The following PTPRZ1 variants were observed in gnomAD, a reference collection of about 807,000 sequenced individuals.
PTPRZ1 encodes protein tyrosine phosphatase receptor type Z1.
Under a neutral mutation model 214.1 loss-of-function variants are expected in PTPRZ1, and 82 were observed. That is an observed-to-expected ratio of 0.38 (90% CI 0.32 to 0.46). PTPRZ1 has a LOEUF of 0.46. Among genes scored for constraint, PTPRZ1 ranks in the 20% least tolerant of loss-of-function variants. The pLI is 1.00. For missense variants in PTPRZ1, 2,603 were observed against 2,748.7 expected (o/e 0.95, Z 1.19); for synonymous variants, 945 against 987.9 (o/e 0.96, Z 0.81).
At chr7:122,057,874 C>G (rs927161921) in intron 27 of PTPRZ1, among the ~76,000 whole-genome samples, 1 of 151,362 alleles carries the variant, frequency 6.6e-6, no homozygotes, top group African/African-American at 2.4e-5. Flanking sequence ...GGTTCGGTTT[C>G]ATTATTTTCC....
chr7:122,051,390 A>G (rs1010998227), intron 23 of PTPRZ1, 38 bp from the exon 24 acceptor site: 14 of 1,507,142 alleles, frequency 9.3e-6, no homozygotes, highest in Admixed American at 1.7e-5. Context: ...GGGGACTTAA[A>G]TGAAATAACC....
chr7:121,873,350 A>G lies in PTPRZ1; in HGVS notation c.-150A>G. The G allele has an allele frequency of 4.4e-6, 3 of 682,006 alleles. No individual in the cohort carries two copies. The highest frequency in any genetic ancestry group is 7.6e-6 in the Non-Finnish European group (3 of 394,098). The allele number at this position is 682,006 out of a possible 1,614,324, so 42.2% of individuals were successfully genotyped here. A position where few individuals can be genotyped will look rare whatever the true frequency, so the allele number is the denominator to read the frequency against. On this transcript the variant is annotated 5_prime_UTR_variant, in exon 1 of 30. Coordinates refer to ENST00000393386, the MANE Select transcript of PTPRZ1 (RefSeq NM_002851.3). The stretch of plus-strand genomic sequence containing the variant: ...CTCTCACACACACACACACACACAC[A>G]AACACACATACGCACGCACGATCTC...
intron 2 of PTPRZ1, among the ~76,000 whole-genome samples, chr7:121,940,814 A>T (rs998812891): frequency 2.0e-5 from 3 of 152,120 alleles, no homozygotes; most frequent in Admixed American, 6.5e-5. Flanking sequence ...ATGAAAAAAA[A>T]AAAAGGGCTC....
At chr7:122,032,125 A>G (rs995461596) in intron 15 of PTPRZ1, 3 of 152,166 alleles carry the variant, frequency 2.0e-5, no homozygotes, top group Admixed American at 6.6e-5. Context: ...GGGCAGAGAA[A>G]TTTACTGCAA....
chr7:121,981,128 G>A (rs1158658298), intron 6 of PTPRZ1, among the ~76,000 whole-genome samples: 2 of 144,446 alleles, frequency 1.4e-5, no homozygotes, highest in African/African-American at 5.0e-5. Context: ...GGGCGGCAGC[G>A]AGACTCCGTC....
At chr7:122,046,494 G>C (rs759634797) in intron 23 of PTPRZ1, among the ~76,000 whole-genome samples, 1 of 152,154 alleles carries the variant, frequency 6.6e-6, no homozygotes, top group Non-Finnish European at 1.5e-5. Flanking sequence ...TGCTGTAGGA[G>C]TACAGGTAAG....
In PTPRZ1 at chr7:122,034,326, C is replaced by T; in HGVS notation, c.5232C>T (p.Ser1744=). ...TTGACTTAGGTATTACAGCAGACAG[C>T]TCCAACCACCCAGACAACAAGCACA... ...CTVDLGITAD[S]SNHPDNKHKN... is the part of the protein sequence containing the mutation. The change falls in exon 17 of 30, where the codon AGC becomes AGT. Residue 1744 remains serine, a synonymous_variant. Transcript: ENST00000393386. The T allele has an allele frequency of 6.2e-7, 1 of 1,613,528 alleles. No homozygotes were observed. Among genetic ancestry groups the T allele is most frequent in the Non-Finnish European group, 8.5e-7 (1 of 1,179,664 alleles).
chr7:121,886,437 C>A (rs1053011953), intron 1 of PTPRZ1, among the ~76,000 whole-genome samples: 10 of 150,502 alleles, frequency 6.6e-5, no homozygotes, highest in Non-Finnish European at 1.3e-4. Flanking sequence ...AAAAACACAG[C>A]TGAAACATTC....
chr7:121,956,433 T>A (rs1340880365), intron 2 of PTPRZ1, among the ~76,000 whole-genome samples: 1 of 152,216 alleles, frequency 6.6e-6, no homozygotes, highest in African/African-American at 2.4e-5. Context: ...AGTCTTCATC[T>A]GATGCACTGA....
In PTPRZ1 at chr7:122,000,646, CATATATATATATATATATATATATATAT is replaced by C. The variant is rs60953788; in HGVS notation, c.1240+2669_1240+2696del. Among the ~76,000 whole-genome samples, 509 of 51,708 alleles carry C rather than the reference CATATATATATATATATATATATATATAT, an allele frequency of 9.8e-3. 21 individuals carry two copies. The highest frequency in any genetic ancestry group is 0.034 in the African/African-American group (392 of 11,478). 33.9% of individuals were successfully genotyped at this position (51,708 alleles called of 152,430 possible). ...ATTGCTGTCATTCTTTGATAGATTT[CATATATATATATATATATATATATATAT>C]ATATATATATATATATATATATATA... On this transcript the variant is annotated intron_variant, in intron 10 of 29. Transcript: ENST00000393386.
intron 1 of PTPRZ1, among the ~76,000 whole-genome samples, chr7:121,922,818 A>C (rs1795639681): frequency 6.6e-6 from 1 of 152,048 alleles, no homozygotes; most frequent in Non-Finnish European, 1.5e-5. Flanking sequence ...TTCACAAACT[A>C]CCTATATTTC....
At position 122,039,482 on chromosome 7, in the gene PTPRZ1, A is replaced by T. The variant is rs1799649820; in HGVS notation, c.5531A>T (p.Asp1844Val). The part of the protein sequence containing the change: ...RRKCDQYWPA[D>V]GSEEYGNFLV... ...AAATGTGATCAGTACTGGCCTGCCG[A>T]TGGGAGTGAGGAGTACGGGAACTTT... Residue 1844 changes from aspartate (D) to valine (V), a missense_variant, in exon 20 of 30, where the codon GAT becomes GTT. Coordinates refer to ENST00000393386, the MANE Select transcript of PTPRZ1 (RefSeq NM_002851.3). 4.3e-6 allele frequency: 7 copies of T among 1,613,870 alleles called. No individual in the cohort carries two copies. Among genetic ancestry groups the T allele is most frequent in the Non-Finnish European group, 3.4e-6 (4 of 1,179,972 alleles).
intron 25 of PTPRZ1, among the ~76,000 whole-genome samples, 189 bp downstream of exon 25, chr7:122,052,128 C>A (rs1584780587): frequency 6.6e-6 from 1 of 152,144 alleles, no homozygotes; most frequent in East Asian, 1.9e-4. Flanking sequence ...TGTGCTGGGA[C>A]TGAAGAAACC....
intron 8 of PTPRZ1, among the ~76,000 whole-genome samples, chr7:121,987,872 AGAT>A (rs1343994937): frequency 6.6e-6 from 1 of 152,202 alleles, no homozygotes; most frequent in Non-Finnish European, 1.5e-5. Flanking sequence ...TTTTGCAGCA[AGAT>A]GGATGGAGCT....
chr7:121,927,428 T>C (rs1795798050), intron 1 of PTPRZ1, among the ~76,000 whole-genome samples: 1 of 152,226 alleles, frequency 6.6e-6, no homozygotes, highest in African/African-American at 2.4e-5. Flanking sequence ...TTTTGAATTA[T>C]GCAGAGTGAG....
intron 10 of PTPRZ1, among the ~76,000 whole-genome samples, chr7:121,998,372 A>G (rs1798209417): frequency 6.6e-6 from 1 of 152,190 alleles, no homozygotes; most frequent in Non-Finnish European, 1.5e-5. Flanking sequence ...TTCAGCCCCC[A>G]AAGCATTATG....
chr7:121,910,278 C>T (rs1326251335), intron 1 of PTPRZ1, among the ~76,000 whole-genome samples: 1 of 152,214 alleles, frequency 6.6e-6, no homozygotes, highest in Admixed American at 6.5e-5. Context: ...ACCACTCAGT[C>T]TAAAATTGCA....
chr7:121,974,103 G>A (rs1797353903), intron 4 of PTPRZ1, among the ~76,000 whole-genome samples: 1 of 151,780 alleles, frequency 6.6e-6, no homozygotes, highest in Non-Finnish European at 1.5e-5. Flanking sequence ...TAATTCAAAA[G>A]TTATTAATAA....
In PTPRZ1 at chr7:122,061,882, A is replaced by T. The variant is rs550337514; in HGVS notation, c.*662A>T. 2 of 152,730 alleles carry T rather than the reference A, an allele frequency of 1.3e-5. No homozygotes were observed. The highest frequency in any genetic ancestry group is 4.1e-4 in the South Asian group (2 of 4,832). 9.5% of individuals were successfully genotyped at this position (152,730 alleles called of 1,614,324 possible). A position where few individuals can be genotyped will look rare whatever the true frequency, so the allele number is the denominator to read the frequency against. On this transcript the variant is annotated 3_prime_UTR_variant, in exon 30 of 30. Transcript: ENST00000393386. ...GACATTGTATTGTGTTACCTAAGTC[A>T]TTAACTTTGTTTCAGCATGTAATTT...
Sources: gnomAD v4.1 joint callset for allele counts (sites outside exome capture counted in the v4.1 genomes callset) on GRCh38, gnomAD v4.1.1 for gene constraint, MANE v1.5 for transcripts, NCBI Gene and HGNC (gene_info 2026-07-23, HGNC 2026-07-21) for gene names.